The following GLI3 variants were observed in gnomAD, a reference collection of about 807,000 sequenced individuals.
The protein encoded by GLI3 is transcription activator GLI3.
In GLI3, 20 loss-of-function variants were observed where a neutral mutation model predicts 100.8. The observed-to-expected ratio is 0.20, with a 90% CI of 0.14 to 0.29. The LOEUF (loss-of-function observed/expected upper bound fraction) is 0.29, where lower values mean the gene tolerates loss of function less well. GLI3 is among the 10% of genes least tolerant of loss of function. The pLI, the probability that GLI3 is intolerant of heterozygous loss-of-function variation, is 1.00. For missense variants in GLI3, 2,040 were observed against 2,128.5 expected (o/e 0.96, Z 0.82); for synonymous variants, 938 against 860.5 (o/e 1.09, Z -1.58).
chr7:42,107,772 C>G (rs1413626595), intron 3 of GLI3, among the ~76,000 whole-genome samples: 1 of 152,232 alleles, frequency 6.6e-6, no homozygotes, highest in Non-Finnish European at 1.5e-5. Context: ...GCACAGCAAT[C>G]TCTGCATCTC....
chr7:42,138,810 G>C (rs1786492028), intron 3 of GLI3, among the ~76,000 whole-genome samples: 1 of 152,250 alleles, frequency 6.6e-6, no homozygotes, highest in Non-Finnish European at 1.5e-5. Flanking sequence ...TCAGGATGCA[G>C]ATCTGGGTCC....
intron 2 of GLI3, among the ~76,000 whole-genome samples, chr7:42,177,652 T>C (rs1787507289): frequency 6.6e-6 from 1 of 152,148 alleles, no homozygotes; most frequent in Admixed American, 6.5e-5. Context: ...GTAAGCAGCT[T>C]ATTCAAAGGT....
Position 41,962,819 on chromosome 7 carries a change from T to C in GLI3, c.*1511A>G, listed in dbSNP as rs982241404. 1 of 152,206 alleles carries C rather than the reference T, an allele frequency of 6.6e-6. No homozygotes were observed. The highest frequency in any genetic ancestry group is 1.5e-5 in the Non-Finnish European group (1 of 68,036). The allele number at this position is 152,206 out of a possible 1,614,324, so 9.4% of individuals were successfully genotyped here. A position where few individuals can be genotyped will look rare whatever the true frequency, so the allele number is the denominator to read the frequency against. On this transcript the variant is annotated 3_prime_UTR_variant, in exon 15 of 15. Transcript: ENST00000395925. ...ATCAATCACTTGCAGTAAATCCAAT[T>C]CCAGGGGTCAATGGGACAGAATACA...
At chr7:42,213,372 T>C (rs1235209825) in intron 2 of GLI3, among the ~76,000 whole-genome samples, 1 of 152,222 alleles carries the variant, frequency 6.6e-6, no homozygotes, top group African/African-American at 2.4e-5. Context: ...AAGTTTTAAT[T>C]GACCTTTTCT....
intron 2 of GLI3, among the ~76,000 whole-genome samples, chr7:42,190,320 G>A (rs181596035): frequency 3.7e-4 from 57 of 152,186 alleles, no homozygotes; most frequent in Admixed American, 1.4e-3. Context: ...AAAACACCAC[G>A]GGCAAATCCA....
intron 11 of GLI3, 90 bp from the exon 12 acceptor site, chr7:41,977,812 G>C (rs1314315631): frequency 8.5e-7 from 1 of 1,172,978 alleles, no homozygotes; most frequent in Admixed American, 1.7e-5. Context: ...AAAAACTGAT[G>C]TTTCAAGGGT....
intron 6 of GLI3, among the ~76,000 whole-genome samples, chr7:42,041,511 G>A (rs148316808): frequency 6.6e-6 from 1 of 152,190 alleles, no homozygotes; most frequent in Non-Finnish European, 1.5e-5. Context: ...CACGTAGGAG[G>A]CAAACAAAAC....
intron 6 of GLI3, 110 bp from the exon 7 acceptor site, chr7:42,040,349 G>A: frequency 1.3e-6 from 1 of 788,484 alleles, no homozygotes; most frequent in South Asian, 1.4e-5. Flanking sequence ...CTGGCAACTT[G>A]CGGTGACAAG....
At chr7:41,998,181 G>T (rs1421149796) in intron 10 of GLI3, among the ~76,000 whole-genome samples, 1 of 152,120 alleles carries the variant, frequency 6.6e-6, no homozygotes, top group Non-Finnish European at 1.5e-5. Context: ...GGAGCCAGGG[G>T]CTGACTTCAT....
At chr7:42,056,454 G>A (rs1210615301) in intron 4 of GLI3, among the ~76,000 whole-genome samples, 1 of 152,180 alleles carries the variant, frequency 6.6e-6, no homozygotes, top group Non-Finnish European at 1.5e-5. Context: ...CAATGAACCA[G>A]CACAAAAAGT....
intron 4 of GLI3, among the ~76,000 whole-genome samples, chr7:42,065,346 T>C (rs1009584724): frequency 6.6e-6 from 1 of 151,804 alleles, no homozygotes; most frequent in Non-Finnish European, 1.5e-5. Flanking sequence ...GAAATTCTCA[T>C]GCACAAAAAA....
rs190429221 is a variant in GLI3 at position 42,167,046 on chromosome 7, C to T, written c.125-18578G>A. On this transcript the variant is annotated intron_variant, in intron 2 of 14. Coordinates refer to ENST00000395925, the MANE Select transcript of GLI3 (RefSeq NM_000168.6). ...TTCGCCATGTTGGCCAGGCTGGTCT[C>T]GAACTCCTGACCTCAGGTGATCCGC... 2.0e-3 allele frequency among the ~76,000 whole-genome samples: 306 copies of T among 152,198 alleles called. 5 individuals carry two copies. In the East Asian group the frequency reaches 0.029, roughly 15 times the overall value.
intron 2 of GLI3, among the ~76,000 whole-genome samples, chr7:42,195,184 A>G (rs1212797636): frequency 6.6e-6 from 1 of 152,168 alleles, no homozygotes; most frequent in Non-Finnish European, 1.5e-5. Context: ...GTGTTGCCCC[A>G]CTAACCTATT....
At chr7:42,123,786 T>C (rs539500400) in intron 3 of GLI3, among the ~76,000 whole-genome samples, 36 of 152,214 alleles carry the variant, frequency 2.4e-4, no homozygotes, top group Non-Finnish European at 4.0e-4. Flanking sequence ...AACTGGGAAC[T>C]TGAAGAAATT....
chr7:42,012,794 G>A (rs769207107), intron 10 of GLI3, among the ~76,000 whole-genome samples: 1 of 152,216 alleles, frequency 6.6e-6, no homozygotes, highest in Non-Finnish European at 1.5e-5. Flanking sequence ...GGAATACAGT[G>A]AGGGCTGTGT....
rs1562775922 is a variant in GLI3 at position 42,182,683 on chromosome 7, C to CATGTGTGTATATATATATATATAT, written c.125-34216_125-34215insATATATATATATATATACACACAT. ...ATATATATATATATATATATATATA[C>CATGTGTGTATATATATATATATAT]ACATGTGTGTATATATATATACACA... On this transcript the variant is annotated intron_variant, in intron 2 of 14. Coordinates refer to ENST00000395925, the MANE Select transcript of GLI3 (RefSeq NM_000168.6). 1.2e-3 allele frequency among the ~76,000 whole-genome samples: 64 copies of CATGTGTGTATATATATATATATAT among 54,848 alleles called. 2 individuals are homozygous for CATGTGTGTATATATATATATATAT. Among genetic ancestry groups the CATGTGTGTATATATATATATATAT allele is most frequent in the African/African-American group, 2.1e-3 (23 of 10,920 alleles). The allele number at this position is 54,848 out of a possible 152,430, so 36.0% of individuals were successfully genotyped here. A position where few individuals can be genotyped will look rare whatever the true frequency, so the allele number is the denominator to read the frequency against.
Position 41,977,614 on chromosome 7 carries a change from C to A in GLI3, c.1756G>T (p.Ala586Ser), listed in dbSNP as rs773772130. Residue 586 changes from alanine (A) to serine (S), a missense_variant, in exon 12 of 15, where the codon GCT (alanine) becomes TCT (serine). Physicochemically the swap from Ala to Ser is moderately conservative, Grantham distance 99 (BLOSUM62 1). This residue lies in a region of GLI3 where 61 missense variants were observed against 150.9 expected (regional missense o/e 0.40). Transcript: ENST00000395925. Reference protein sequence around the residue: ...YVCEHEGCNKAFSNASDRAKH... With the variant: ...YVCEHEGCNKSFSNASDRAKH... ...GCGCGATCAGAGGCATTTGAGAAAG[C>A]CTTGTTGCAACCTTCGTGCTCACAG... 1.9e-6 allele frequency: 3 copies of A among 1,614,210 alleles called. No homozygotes were observed. The highest frequency in any genetic ancestry group is 1.1e-5 in the South Asian group (1 of 91,082).
At chr7:42,148,592 A>G in intron 2 of GLI3, 124 bp from the exon 3 acceptor site, 3 of 923,928 alleles carry the variant, frequency 3.2e-6, no homozygotes, top group Non-Finnish European at 3.4e-6. Context: ...TCTCATTCAC[A>G]GCAACTTTGA....
At chr7:41,975,636 C>T (rs1211110187) in intron 12 of GLI3, among the ~76,000 whole-genome samples, 1 of 152,200 alleles carries the variant, frequency 6.6e-6, no homozygotes, top group Non-Finnish European at 1.5e-5. Context: ...AACTCTCACA[C>T]AACATTGCAC....
Sources: gnomAD v4.1 joint callset for allele counts (sites outside exome capture counted in the v4.1 genomes callset) on GRCh38, gnomAD v4.1.1 for gene constraint, gnomAD v4.1.1 regional missense constraint, MANE v1.5 for transcripts, NCBI Gene and HGNC (gene_info 2026-07-23, HGNC 2026-07-21) for gene names.